PDLIM5: variants seen among roughly 807,000 people sequenced by gnomAD.
PDLIM5 encodes PDZ and LIM domain 5.
A neutral mutation model predicts 64.2 loss-of-function variants in PDLIM5; 34 were observed. The ratio of observed to expected loss-of-function variants is 0.53; its 90% CI spans 0.40 to 0.71. The LOEUF (loss-of-function observed/expected upper bound fraction) is 0.71, where lower values mean the gene tolerates loss of function less well. Ranked by LOEUF, PDLIM5 falls within the 30% of genes least tolerant of loss-of-function variation. The pLI, the probability that PDLIM5 is intolerant of heterozygous loss-of-function variation, is 0.00. For synonymous variants in PDLIM5, 253 were observed against 269.1 expected, an observed-to-expected ratio of 0.94 and a Z score of 0.59; for missense variants, 683 against 733.6, an observed-to-expected ratio of 0.93 and a Z score of 0.80.
intron 8 of PDLIM5, among the ~76,000 whole-genome samples, chr4:94,630,759 A>G (rs1481023290): frequency 6.6e-6 from 1 of 152,210 alleles, no homozygotes; most frequent in Non-Finnish European, 1.5e-5. Flanking sequence ...ATAAGGAATC[A>G]AAATGTATTT....
At chr4:94,494,961 G>A (rs1406888343) in intron 2 of PDLIM5, among the ~76,000 whole-genome samples, 1 of 151,592 alleles carries the variant, frequency 6.6e-6, no homozygotes, top group Non-Finnish European at 1.5e-5. Flanking sequence ...TGTTGCCCAG[G>A]CTGGTCTTGA....
At chr4:94,473,273 A>AT (rs1725036534) in intron 2 of PDLIM5, among the ~76,000 whole-genome samples, 1 of 151,902 alleles carries the variant, frequency 6.6e-6, no homozygotes. Flanking sequence ...TTTTATTTTT[A>AT]TTTTTTGAGA....
chr4:94,454,705 T>C (rs961500989), intron 1 of PDLIM5, among the ~76,000 whole-genome samples: 1 of 152,230 alleles, frequency 6.6e-6, no homozygotes, highest in Non-Finnish European at 1.5e-5. Flanking sequence ...TTGGAGAGAA[T>C]AGTTTTGTGC....
At chr4:94,600,468 A>G (rs1026898126) in intron 7 of PDLIM5, among the ~76,000 whole-genome samples, 3 of 152,200 alleles carry the variant, frequency 2.0e-5, no homozygotes, top group Non-Finnish European at 4.4e-5. Context: ...GTATTCTTTT[A>G]TATTTTCAAA....
rs1251064263 is a variant in PDLIM5, at chr4:94,666,759, G to A, written c.*2692G>A. The A allele has an allele frequency of 1.3e-5, 2 of 152,170 alleles. No homozygotes were observed. Among genetic ancestry groups the A allele is most frequent in the Non-Finnish European group, 2.9e-5 (2 of 68,030 alleles). The allele number at this position is 152,170 out of a possible 1,614,324, so 9.4% of individuals were successfully genotyped here. A position where few individuals can be genotyped will look rare whatever the true frequency, so the allele number is the denominator to read the frequency against. ...CTACATATTATTCATGAAGCATAAT[G>A]TTGCATTTCTCCAAATTTTATGCCT... On this transcript the variant is annotated 3_prime_UTR_variant, in exon 13 of 13. Coordinates refer to ENST00000317968, the MANE Select transcript of PDLIM5 (RefSeq NM_006457.5).
rs553575309 is a variant in PDLIM5, at chr4:94,629,304, G to A, written c.1109-10972G>A. On this transcript the variant is annotated intron_variant, in intron 8 of 12. Coordinates refer to ENST00000317968, the MANE Select transcript of PDLIM5 (RefSeq NM_006457.5). ...GCGGAGGTCACAGTGAGCCGAGATC[G>A]CGCCACTGCACTGTGCGAGACTCAG... Among the ~76,000 whole-genome samples the A allele has an allele frequency of 6.3e-4, 96 of 152,096 alleles. 1 individual carries two copies. The South Asian group carries it at 9.2e-3, about 15-fold the overall frequency.
At chr4:94,644,939 G>GT (rs1479375189) in intron 9 of PDLIM5, among the ~76,000 whole-genome samples, 1 of 151,824 alleles carries the variant, frequency 6.6e-6, no homozygotes, top group East Asian at 1.9e-4. Flanking sequence ...ATTTCCATAG[G>GT]TTTTTGGGGA....
intron 2 of PDLIM5, among the ~76,000 whole-genome samples, chr4:94,491,573 T>G (rs923634142): frequency 2.0e-5 from 3 of 152,112 alleles, no homozygotes; most frequent in African/African-American, 7.2e-5. Flanking sequence ...TTTCACAGCC[T>G]TTACAACTGA....
chr4:94,485,008 T>G (rs931687791), intron 2 of PDLIM5, among the ~76,000 whole-genome samples: 1 of 151,996 alleles, frequency 6.6e-6, no homozygotes, highest in Admixed American at 6.6e-5. Context: ...CATGACTACA[T>G]AAAAGAGAGT....
chr4:94,509,685 G>A (rs905563831), intron 2 of PDLIM5, among the ~76,000 whole-genome samples: 2 of 152,140 alleles, frequency 1.3e-5, no homozygotes, highest in Non-Finnish European at 2.9e-5. Context: ...AGCAAGGAGA[G>A]CCACTCTGAG....
Position 94,666,056 on chromosome 4 carries a change from A to G in PDLIM5, c.*1989A>G. 1.3e-6 allele frequency: 2 copies of G among 1,527,982 alleles called. No homozygotes were observed. Among genetic ancestry groups the G allele is most frequent in the Non-Finnish European group, 8.8e-7 (1 of 1,140,980 alleles). 94.7% of individuals were successfully genotyped at this position (1,527,982 alleles called of 1,614,324 possible). ...TGAAAGTCCATGAACCTCCTAAGTT[A>G]TAATTTAAATTTGTTTGGGGCAAGG... On this transcript the variant is annotated 3_prime_UTR_variant, in exon 13 of 13. Transcript: ENST00000317968.
At chr4:94,490,101 T>C (rs1439189304) in intron 2 of PDLIM5, among the ~76,000 whole-genome samples, 3 of 151,880 alleles carry the variant, frequency 2.0e-5, no homozygotes, top group Non-Finnish European at 4.4e-5. Flanking sequence ...TTTATGTGGC[T>C]ATAAATAAAA....
At chr4:94,614,325 G>C (rs1738604713) in intron 7 of PDLIM5, among the ~76,000 whole-genome samples, 1 of 151,994 alleles carries the variant, frequency 6.6e-6, no homozygotes. Context: ...GTGTTGCCCA[G>C]GCTGGTCTTG....
chr4:94,548,263 G>T (rs1732495902), intron 3 of PDLIM5, among the ~76,000 whole-genome samples: 1 of 152,122 alleles, frequency 6.6e-6, no homozygotes, highest in South Asian at 2.1e-4. Flanking sequence ...ATTCAGAAGA[G>T]CCCATACCTA....
chr4:94,594,011 A>G (rs1184419587), intron 7 of PDLIM5, among the ~76,000 whole-genome samples: 1 of 151,570 alleles, frequency 6.6e-6, no homozygotes, highest in Admixed American at 6.5e-5. Flanking sequence ...TATTTTTCCA[A>G]TTCTCTAATT....
chr4:94,476,741 C>A (rs1190008333), intron 2 of PDLIM5, among the ~76,000 whole-genome samples: 1 of 152,142 alleles, frequency 6.6e-6, no homozygotes, highest in Non-Finnish European at 1.5e-5. Flanking sequence ...GGCAGGATAT[C>A]CCAACTCTTG....
At chr4:94,571,942 A>G (rs1251054274) in intron 3 of PDLIM5, among the ~76,000 whole-genome samples, 1 of 152,232 alleles carries the variant, frequency 6.6e-6, no homozygotes, top group Non-Finnish European at 1.5e-5. Flanking sequence ...TATTGCAGTA[A>G]CTGAATATTA....
At chr4:94,630,671 G>A (rs916773322) in intron 8 of PDLIM5, among the ~76,000 whole-genome samples, 2 of 151,994 alleles carry the variant, frequency 1.3e-5, no homozygotes, top group Admixed American at 6.6e-5. Flanking sequence ...TACTGCGCCC[G>A]GCCTAGTATC....
chr4:94,511,069 C>G (rs1728828595), intron 2 of PDLIM5, among the ~76,000 whole-genome samples: 1 of 152,174 alleles, frequency 6.6e-6, no homozygotes. Flanking sequence ...TTTGATCTAA[C>G]CATCTTGTAC....
Sources: gnomAD v4.1 joint callset for allele counts (sites outside exome capture counted in the v4.1 genomes callset) on GRCh38, gnomAD v4.1.1 for gene constraint, MANE v1.5 for transcripts, NCBI Gene and HGNC (gene_info 2026-07-23, HGNC 2026-07-21) for gene names.